NKAIN2: variants seen among roughly 807,000 people sequenced by gnomAD.
NKAIN2 encodes sodium/potassium transporting ATPase interacting 2, also known as sodium/potassium-transporting ATPase subunit beta-1-interacting protein 2.
A neutral mutation model predicts 32.6 loss-of-function variants in NKAIN2; 14 were observed. The ratio of observed to expected loss-of-function variants is 0.43; its 90% CI spans 0.28 to 0.67. The LOEUF is 0.67. NKAIN2 is among the 30% of genes least tolerant of loss of function. The pLI is 0.17. For missense variants in NKAIN2, 198 were observed against 258.3 expected (o/e 0.77, Z 1.60); for synonymous variants, 80 against 87.2 (o/e 0.92, Z 0.46).
intron 4 of NKAIN2, among the ~76,000 whole-genome samples, chr6:124,670,658 T>C (rs73770508): frequency 0.048 from 7,296 of 151,606 alleles, 189 homozygotes; most frequent in African/African-American, 0.076. Context: ...TGTGTGTGTG[T>C]GTGTGTGTGT....
In NKAIN2 at chr6:124,410,534, A is replaced by T. The variant is rs9491167; in HGVS notation, c.273+55187A>T. 3.1e-3 allele frequency among the ~76,000 whole-genome samples: 473 copies of T among 152,220 alleles called. 5 individuals carry two copies. The highest frequency in any genetic ancestry group is 0.011 in the African/African-American group (453 of 41,516). ...AGTGAGTTTCTTAATCCTGAGTTCT[A>T]GTTTGATTGCACTGTGGTCTGAGAG... On this transcript the variant is annotated intron_variant, in intron 3 of 6. Transcript: ENST00000368417.
chr6:124,626,288 A>G (rs1031444815), intron 3 of NKAIN2, among the ~76,000 whole-genome samples: 1 of 151,944 alleles, frequency 6.6e-6, no homozygotes, highest in Admixed American at 6.6e-5. Context: ...CCAAAGTCCT[A>G]TTCAAACAGC....
chr6:124,246,679 T>C (rs186695626), intron 1 of NKAIN2, among the ~76,000 whole-genome samples: 21 of 152,132 alleles, frequency 1.4e-4, no homozygotes, highest in African/African-American at 4.8e-4. Flanking sequence ...CCACAACCTA[T>C]TGGGAGATGG....
At chr6:124,178,107 T>C (rs960333333) in intron 1 of NKAIN2, among the ~76,000 whole-genome samples, 1 of 151,970 alleles carries the variant, frequency 6.6e-6, no homozygotes, top group Non-Finnish European at 1.5e-5. Flanking sequence ...TTTTACCATG[T>C]GAAGATGCAG....
At chr6:124,268,335 C>T (rs546103871) in intron 1 of NKAIN2, among the ~76,000 whole-genome samples, 87 of 152,296 alleles carry the variant, frequency 5.7e-4, no homozygotes, top group Admixed American at 1.0e-3. Flanking sequence ...TAGTTCTGTG[C>T]TTTAGAGAGT....
At chr6:124,028,171 C>T (rs922688019) in intron 1 of NKAIN2, among the ~76,000 whole-genome samples, 4 of 151,938 alleles carry the variant, frequency 2.6e-5, no homozygotes, top group African/African-American at 7.3e-5. Flanking sequence ...ATACTTCATC[C>T]GCTCTATAAA....
At chr6:124,172,773 C>A (rs1788959849) in intron 1 of NKAIN2, among the ~76,000 whole-genome samples, 1 of 152,104 alleles carries the variant, frequency 6.6e-6, no homozygotes, top group African/African-American at 2.4e-5. Flanking sequence ...ATGGCTACAG[C>A]ATTCTGTTGC....
intron 1 of NKAIN2, among the ~76,000 whole-genome samples, chr6:123,808,796 T>C (rs1389789293): frequency 6.6e-6 from 1 of 152,234 alleles, no homozygotes; most frequent in Non-Finnish European, 1.5e-5. Flanking sequence ...CTGATGCTGC[T>C]TTACTTTGAG....
In NKAIN2 at chr6:124,032,971, A is replaced by G. The variant is rs1291066894; in HGVS notation, c.54+228717A>G. Among the ~76,000 whole-genome samples the G allele has an allele frequency of 2.6e-5, 4 of 152,214 alleles. No homozygotes were observed. In the East Asian group the frequency reaches 7.7e-4, roughly 29 times the overall value. On this transcript the variant is annotated intron_variant, in intron 1 of 6. Transcript: ENST00000368417. Reference sequence around the variant, plus strand: ...TTTAAAAAAAAATCAATAAAGTGCCATTGATTAACAACAACCAGACTACAT... The same window carrying G: ...TTTAAAAAAAAATCAATAAAGTGCCGTTGATTAACAACAACCAGACTACAT...
rs59765998 is a variant in NKAIN2 at position 124,093,510 on chromosome 6, A to G, written c.55-189495A>G. 9.9e-3 allele frequency among the ~76,000 whole-genome samples: 1,500 copies of G among 152,224 alleles called. 20 individuals carry two copies. Among genetic ancestry groups the G allele is most frequent in the African/African-American group, 0.034 (1,431 of 41,552 alleles). On this transcript the variant is annotated intron_variant, in intron 1 of 6. Coordinates refer to ENST00000368417, the MANE Select transcript of NKAIN2 (RefSeq NM_001040214.3). ...AGTACATAACCTTCAACAAATGTTA[A>G]TTGTTGTTATTATTATTAACATGTT...
intron 1 of NKAIN2, among the ~76,000 whole-genome samples, chr6:123,872,295 A>G (rs1433571306): frequency 1.3e-5 from 2 of 152,222 alleles, no homozygotes; most frequent in Non-Finnish European, 2.9e-5. Context: ...AATATCAAGG[A>G]TAATGCCCTG....
chr6:124,738,162 TA>T (rs1248544230), intron 4 of NKAIN2, among the ~76,000 whole-genome samples: 2 of 151,930 alleles, frequency 1.3e-5, no homozygotes, highest in Non-Finnish European at 2.9e-5. Flanking sequence ...TTAGAATATT[TA>T]AAAAGTAACA....
intron 3 of NKAIN2, among the ~76,000 whole-genome samples, chr6:124,388,764 G>A (rs1477573212): frequency 6.6e-6 from 1 of 152,056 alleles, no homozygotes; most frequent in African/African-American, 2.4e-5. Context: ...ACAAAGAGAT[G>A]CTCTGCCTTC....
chr6:124,766,038 TCTC>T (rs1194337775), intron 4 of NKAIN2, among the ~76,000 whole-genome samples: 1 of 152,238 alleles, frequency 6.6e-6, no homozygotes, highest in Non-Finnish European at 1.5e-5. Flanking sequence ...ATTCTACACT[TCTC>T]CTTGGCTTTT....
chr6:124,201,561 A>G (rs1023644839), intron 1 of NKAIN2, among the ~76,000 whole-genome samples: 1 of 152,050 alleles, frequency 6.6e-6, no homozygotes, highest in Admixed American at 6.6e-5. Flanking sequence ...CTTGTGCTCT[A>G]GACTGCCAAA....
At chr6:124,396,143 T>A (rs1020961945) in intron 3 of NKAIN2, among the ~76,000 whole-genome samples, 1 of 152,036 alleles carries the variant, frequency 6.6e-6, no homozygotes, top group Non-Finnish European at 1.5e-5. Flanking sequence ...TTTATCTTAT[T>A]AAACAGATGA....
At chr6:123,867,611 T>C (rs1772603287) in intron 1 of NKAIN2, among the ~76,000 whole-genome samples, 1 of 152,242 alleles carries the variant, frequency 6.6e-6, no homozygotes, top group Non-Finnish European at 1.5e-5. Context: ...TTGCCAATTA[T>C]ATGTGGTTTC....
chr6:124,094,952 C>A (rs1258028426), intron 1 of NKAIN2, among the ~76,000 whole-genome samples: 1 of 152,120 alleles, frequency 6.6e-6, no homozygotes, highest in Non-Finnish European at 1.5e-5. Context: ...TCTCCACTTA[C>A]AATCCATGTA....
chr6:124,322,540 C>T lies in NKAIN2; in HGVS notation c.193-32727C>T, dbSNP rs146988968. On this transcript the variant is annotated intron_variant, in intron 2 of 6. Coordinates refer to ENST00000368417, the MANE Select transcript of NKAIN2 (RefSeq NM_001040214.3). ...ACCTTATAGTTATACCCACCCTCAT[C>T]ATCCCTACCATCCTTTAAACTCTAG... Among the ~76,000 whole-genome samples, 1,220 of 152,278 alleles carry T rather than the reference C, an allele frequency of 8.0e-3. 21 individuals carry two copies. The highest frequency in any genetic ancestry group is 0.028 in the African/African-American group (1,163 of 41,548).
Sources: gnomAD v4.1 joint callset for allele counts (sites outside exome capture counted in the v4.1 genomes callset) on GRCh38, gnomAD v4.1.1 for gene constraint, MANE v1.5 for transcripts, NCBI Gene and HGNC (gene_info 2026-07-23, HGNC 2026-07-21) for gene names.